The following FERMT2 variants were observed in gnomAD, a reference collection of about 807,000 sequenced individuals.
FERMT2 encodes FERM domain containing kindlin 2.
In FERMT2, 15 loss-of-function variants were observed where a neutral mutation model predicts 82.7. The ratio of observed to expected loss-of-function variants is 0.18; its 90% CI spans 0.12 to 0.28. FERMT2 has a LOEUF of 0.28. Ranked by LOEUF, FERMT2 falls within the 10% of genes least tolerant of loss-of-function variation. The pLI, the probability that FERMT2 is intolerant of heterozygous loss-of-function variation, is 1.00. For synonymous variants in FERMT2, 274 were observed against 271.5 expected, an observed-to-expected ratio of 1.01 and a Z score of -0.09; for missense variants, 645 against 809.4, an observed-to-expected ratio of 0.80 and a Z score of 2.46.
rs1307116529 is a variant in FERMT2, at chr14:52,858,378, C to T, written c.2042G>A (p.Ter681=). 1 of 1,613,120 alleles carries T rather than the reference C, an allele frequency of 6.2e-7. No individual in the cohort carries two copies. Among genetic ancestry groups the T allele is most frequent in the Admixed American group, 1.7e-5 (1 of 60,014 alleles). ...AGTTTCATTAAACAGTATTCCTATT[C>T]ACACCCAACCACTGGTAAGTTTGTA... The part of the protein sequence containing the change: ...MFYKLTSGWV[*] The change falls in exon 15 of 15, where the codon TGA becomes TAA. Residue 681 remains the stop codon, a stop_retained_variant. Transcript: ENST00000341590.
At chr14:52,909,028 T>C (rs1194715787) in intron 3 of FERMT2, among the ~76,000 whole-genome samples, 2 of 152,046 alleles carry the variant, frequency 1.3e-5, no homozygotes, top group East Asian at 1.9e-4. Context: ...CCAGTCTCCC[T>C]TGCAGCTAAG....
At chr14:52,934,169 G>A (rs1388837833) in intron 2 of FERMT2, among the ~76,000 whole-genome samples, 2 of 152,148 alleles carry the variant, frequency 1.3e-5, no homozygotes, top group African/African-American at 4.8e-5. Context: ...ACAAATATTT[G>A]TAATATACAG....
At chr14:52,878,949 A>C (rs1886137749) in intron 6 of FERMT2, among the ~76,000 whole-genome samples, 2 of 152,208 alleles carry the variant, frequency 1.3e-5, no homozygotes, top group Admixed American at 1.3e-4. Flanking sequence ...TACAGTATTA[A>C]AAAGTAGATT....
intron 2 of FERMT2, among the ~76,000 whole-genome samples, chr14:52,933,447 G>A (rs1279306734): frequency 1.3e-5 from 2 of 152,110 alleles, no homozygotes; most frequent in Admixed American, 6.5e-5. Context: ...GGTGGCTCAC[G>A]CTTGTAATCC....
intron 14 of FERMT2, chr14:52,859,347 CAAA>C (rs1884758240): frequency 2.3e-6 from 1 of 427,694 alleles, no homozygotes; most frequent in African/African-American, 2.0e-5. Flanking sequence ...TACAGAAAGA[CAAA>C]AAAGGCAACA....
chr14:52,875,877 A>T (rs912802968), intron 7 of FERMT2, among the ~76,000 whole-genome samples: 3 of 152,154 alleles, frequency 2.0e-5, no homozygotes, highest in Admixed American at 6.5e-5. Flanking sequence ...CTGTATTCTC[A>T]TATCTAAGAA....
At chr14:52,927,725 AATCC>A (rs1472107053) in intron 2 of FERMT2, among the ~76,000 whole-genome samples, 1 of 151,350 alleles carries the variant, frequency 6.6e-6, no homozygotes, top group Admixed American at 6.6e-5. Flanking sequence ...AAGTTGATCA[AATCC>A]CACTCCTGTT....
At chr14:52,931,819 G>A (rs1889586825) in intron 2 of FERMT2, among the ~76,000 whole-genome samples, 1 of 152,210 alleles carries the variant, frequency 6.6e-6, no homozygotes, top group Non-Finnish European at 1.5e-5. Context: ...CACCAGGTCA[G>A]GAGATAGAGA....
chr14:52,910,227 G>A (rs1414145550), intron 3 of FERMT2, among the ~76,000 whole-genome samples: 1 of 152,064 alleles, frequency 6.6e-6, no homozygotes, highest in Non-Finnish European at 1.5e-5. Context: ...TGTTCCACTA[G>A]CATTTTGTGC....
At chr14:52,897,976 C>CAAAAAAA (rs71125145) in intron 3 of FERMT2, among the ~76,000 whole-genome samples, 3 of 93,450 alleles carry the variant, frequency 3.2e-5, no homozygotes, top group African/African-American at 1.4e-4. Flanking sequence ...AACTCCGTCT[C>CAAAAAAA]AAAAAAAAAA....
intron 10 of FERMT2, among the ~76,000 whole-genome samples, chr14:52,866,255 G>A (rs749996119): frequency 2.6e-5 from 4 of 152,042 alleles, no homozygotes; most frequent in Non-Finnish European, 4.4e-5. Context: ...CTACTTCCAC[G>A]GCAACCACTG....
At chr14:52,931,393 A>AT (rs1889559499) in intron 2 of FERMT2, among the ~76,000 whole-genome samples, 2 of 152,244 alleles carry the variant, frequency 1.3e-5, no homozygotes, top group Non-Finnish European at 2.9e-5. Flanking sequence ...CATCCTGTAG[A>AT]CAATGGAGGC....
Position 52,881,413 on chromosome 14 carries a change from C to G in FERMT2, c.583G>C (p.Ala195Pro). 6.2e-7 allele frequency: 1 copy of G among 1,613,942 alleles called. No individual in the cohort carries two copies. Among genetic ancestry groups the G allele is most frequent in the South Asian group, 1.1e-5 (1 of 91,074 alleles). Residue 195 changes from alanine (A) to proline (P), a missense_variant, in exon 5 of 15, where the codon GCT becomes CCT. Physicochemically the swap from Ala to Pro is conservative, Grantham distance 27 (BLOSUM62 -1). Transcript: ENST00000341590. ...GGTGACAAGGGGCTTCCATCATGAG[C>G]ATCATAAGTGGGGGTCATTGTTTTA... ...YSKTMTPTYDAHDGSPLSPTS... is the reference protein window; with the variant it reads ...YSKTMTPTYDPHDGSPLSPTS...
chr14:52,946,967 CCAA>C (rs931195167), intron 2 of FERMT2, among the ~76,000 whole-genome samples: 10 of 152,104 alleles, frequency 6.6e-5, no homozygotes, highest in Non-Finnish European at 8.8e-5. Flanking sequence ...GCCACCGTAC[CCAA>C]CCTAAACTGG....
At chr14:52,887,320 CTGGGAAACA>C (rs1886671225) in intron 4 of FERMT2, among the ~76,000 whole-genome samples, 1 of 151,908 alleles carries the variant, frequency 6.6e-6, no homozygotes, top group East Asian at 1.9e-4. Flanking sequence ...TGAGACCAGC[CTGGGAAACA>C]TGGCAAAACC....
intron 3 of FERMT2, among the ~76,000 whole-genome samples, chr14:52,896,110 A>C (rs1263520803): frequency 6.6e-6 from 1 of 152,230 alleles, no homozygotes; most frequent in Non-Finnish European, 1.5e-5. Flanking sequence ...AAGCTACATC[A>C]TCACAAGGAG....
intron 2 of FERMT2, among the ~76,000 whole-genome samples, chr14:52,921,645 T>C (rs914311571): frequency 6.6e-6 from 1 of 152,108 alleles, no homozygotes; most frequent in Admixed American, 6.6e-5. Flanking sequence ...GGTAATCAAG[T>C]AGAGTTACTG....
At chr14:52,939,390 A>T (rs1399076265) in intron 2 of FERMT2, among the ~76,000 whole-genome samples, 1 of 150,848 alleles carries the variant, frequency 6.6e-6, no homozygotes, top group East Asian at 1.9e-4. Context: ...AAAAAAAAAA[A>T]CAAAGAACTA....
rs545088958 is a variant in FERMT2 at position 52,949,238 on chromosome 14, A to C, written c.157+1174T>G. ...GTACAAAGCAGGTCCACCCAAATGA[A>C]TCCTGCCTTATTTTGCAAAATGCAT... On this transcript the variant is annotated intron_variant, in intron 2 of 14. Coordinates refer to ENST00000341590, the MANE Select transcript of FERMT2 (RefSeq NM_006832.3). Among the ~76,000 whole-genome samples the C allele has an allele frequency of 1.1e-4, 16 of 152,240 alleles. 1 individual carries two copies. The South Asian group carries it at 3.3e-3, about 32-fold the overall frequency.
Sources: allele counts gnomAD v4.1 joint callset (sites outside exome capture counted in the v4.1 genomes callset), GRCh38; gene constraint gnomAD v4.1.1; transcripts MANE v1.5; gene names NCBI Gene and HGNC (gene_info 2026-07-23, HGNC 2026-07-21).